Variants in GLCE observed in about 807,000 individuals in gnomAD.
GLCE encodes D-glucuronyl C5-epimerase.
Under a neutral mutation model 47.9 loss-of-function variants are expected in GLCE, and 19 were observed. The ratio of observed to expected loss-of-function variants is 0.40; its 90% CI spans 0.28 to 0.58. The LOEUF (loss-of-function observed/expected upper bound fraction) is 0.58. Ranked by LOEUF, GLCE falls within the 20% of genes least tolerant of loss-of-function variation. The pLI is 0.48. For synonymous variants in GLCE, 245 were observed against 263.4 expected (o/e 0.93, Z 0.68); for missense variants, 556 against 743.3 (o/e 0.75, Z 2.93).
chr15:69,177,518 G>A (rs755795264), intron 1 of GLCE, among the ~76,000 whole-genome samples: 1 of 152,168 alleles, frequency 6.6e-6, no homozygotes, highest in Non-Finnish European at 1.5e-5. Context: ...ACACAATTTA[G>A]TAAGTTTTGA....
intron 4 of GLCE, among the ~76,000 whole-genome samples, chr15:69,267,872 G>A (rs909185469): frequency 5.7e-5 from 8 of 141,452 alleles, no homozygotes; most frequent in African/African-American, 2.1e-4. Flanking sequence ...TTGCAGAATG[G>A]GTATAGTAGA....
At chr15:69,236,176 G>A (rs898177571) in intron 2 of GLCE, among the ~76,000 whole-genome samples, 11 of 147,306 alleles carry the variant, frequency 7.5e-5, no homozygotes, top group Non-Finnish European at 1.5e-4. Context: ...GTCACCATTT[G>A]GTGGACATTT....
chr15:69,238,982 T>C (rs1319875494), intron 2 of GLCE, among the ~76,000 whole-genome samples: 2 of 152,170 alleles, frequency 1.3e-5, no homozygotes. Context: ...AAGGGCGACA[T>C]GGGGAGAGAG....
intron 2 of GLCE, among the ~76,000 whole-genome samples, chr15:69,216,115 T>C (rs79780992): frequency 0.011 from 1,683 of 152,284 alleles, 14 homozygotes; most frequent in Non-Finnish European, 0.016. Context: ...TATTGTTGTC[T>C]AAAGCTAGAT....
At position 69,256,359 on chromosome 15, in the gene GLCE, C is replaced by T; in HGVS notation, c.553C>T (p.Arg185Ter). 1.2e-6 allele frequency: 2 copies of T among 1,612,936 alleles called. No homozygotes were observed. Among genetic ancestry groups the T allele is most frequent in the South Asian group, 1.1e-5 (1 of 91,042 alleles). ...MSFEGYNVEV[R>*]DRVKCISGVE... is the part of the protein sequence containing the mutation. Reference sequence around the variant, plus strand: ...TTTTGAAGGCTACAATGTGGAAGTCCGAGACAGAGTCAAGTGCATAAGTGG... The same window carrying T: ...TTTTGAAGGCTACAATGTGGAAGTCTGAGACAGAGTCAAGTGCATAAGTGG... Residue 185 changes from arginine (R) to a stop codon, truncating the protein, a stop_gained, in exon 3 of 5, where the codon CGA becomes TGA. Transcript: ENST00000261858. LOFTEE classifies it high-confidence loss of function.
At chr15:69,224,398 A>C (rs929576801) in intron 2 of GLCE, among the ~76,000 whole-genome samples, 1 of 152,136 alleles carries the variant, frequency 6.6e-6, no homozygotes, top group Non-Finnish European at 1.5e-5. Context: ...TTGTTTTTGA[A>C]TGTCCCAGTC....
In GLCE at chr15:69,269,296, G is replaced by A; in HGVS notation, c.*52G>A. 1 of 1,433,468 alleles carries A rather than the reference G, an allele frequency of 7.0e-7. No individual in the cohort carries two copies. Among genetic ancestry groups the A allele is most frequent in the Non-Finnish European group, 9.7e-7 (1 of 1,027,316 alleles). 88.8% of individuals were successfully genotyped at this position (1,433,468 alleles called of 1,614,324 possible). A position where few individuals can be genotyped will look rare whatever the true frequency, so the allele number is the denominator to read the frequency against. ...CCTCTGCTGTACACAGAAACTACAG[G>A]CTCTGTCTCAGGAGAGCATAGGCAC... On this transcript the variant is annotated 3_prime_UTR_variant, in exon 5 of 5. Coordinates refer to ENST00000261858, the MANE Select transcript of GLCE (RefSeq NM_015554.3).
chr15:69,228,901 T>C (rs578252348), intron 2 of GLCE, among the ~76,000 whole-genome samples: 1 of 152,312 alleles, frequency 6.6e-6, no homozygotes, highest in African/African-American at 2.4e-5. Flanking sequence ...TTGCCCAGGC[T>C]GGTCTCAAAC....
At chr15:69,188,718 C>T (rs1014072956) in intron 1 of GLCE, among the ~76,000 whole-genome samples, 5 of 152,012 alleles carry the variant, frequency 3.3e-5, no homozygotes, top group Non-Finnish European at 5.9e-5. Flanking sequence ...GTTCTCTTAC[C>T]CTTTTAATGT....
intron 1 of GLCE, among the ~76,000 whole-genome samples, chr15:69,199,685 C>G (rs2052048419): frequency 6.6e-6 from 1 of 152,180 alleles, no homozygotes; most frequent in African/African-American, 2.4e-5. Context: ...GTGCCAGATC[C>G]CAGGCCTCCT....
chr15:69,255,077 T>A (rs1445717347), intron 2 of GLCE, among the ~76,000 whole-genome samples: 1 of 152,202 alleles, frequency 6.6e-6, no homozygotes, highest in Non-Finnish European at 1.5e-5. Flanking sequence ...TTGACTATTT[T>A]ATGCTGTTAG....
chr15:69,178,832 T>C (rs1165882490), intron 1 of GLCE, among the ~76,000 whole-genome samples: 2 of 152,132 alleles, frequency 1.3e-5, no homozygotes, highest in African/African-American at 4.8e-5. Flanking sequence ...ATAGTATTAA[T>C]TATATTGTCA....
At chr15:69,211,779 G>T (rs1019869306) in intron 2 of GLCE, among the ~76,000 whole-genome samples, 1 of 151,850 alleles carries the variant, frequency 6.6e-6, no homozygotes, top group African/African-American at 2.4e-5. Flanking sequence ...AGAAAATAAA[G>T]TAAGCTTCTA....
At chr15:69,239,187 A>G (rs984957353) in intron 2 of GLCE, among the ~76,000 whole-genome samples, 1 of 75,228 alleles carries the variant, frequency 1.3e-5, no homozygotes, top group African/African-American at 3.3e-5. Context: ...TGACTAATGA[A>G]ATGTTGGAAA....
intron 1 of GLCE, among the ~76,000 whole-genome samples, chr15:69,163,523 C>T (rs1202639657): frequency 2.0e-5 from 3 of 152,068 alleles, no homozygotes; most frequent in Admixed American, 6.6e-5. Flanking sequence ...AGTTAACTGC[C>T]TTCTGAATTA....
chr15:69,228,115 A>G (rs1366131517), intron 2 of GLCE, among the ~76,000 whole-genome samples: 1 of 152,182 alleles, frequency 6.6e-6, no homozygotes, highest in Non-Finnish European at 1.5e-5. Flanking sequence ...CTGAAGTATT[A>G]TGCTTTTCCT....
At chr15:69,264,182 G>A (rs1335107915) in intron 4 of GLCE, among the ~76,000 whole-genome samples, 15 of 65,804 alleles carry the variant, frequency 2.3e-4, no homozygotes, top group African/African-American at 7.1e-4. Context: ...CCCCCAGCCC[G>A]ACAACCACCA....
At chr15:69,186,283 G>C (rs1240405446) in intron 1 of GLCE, among the ~76,000 whole-genome samples, 1 of 152,044 alleles carries the variant, frequency 6.6e-6, no homozygotes, top group African/African-American at 2.4e-5. Context: ...TCCTGCTATA[G>C]AGCCGATAAA....
intron 1 of GLCE, among the ~76,000 whole-genome samples, chr15:69,197,731 G>A (rs2052014989): frequency 6.6e-6 from 1 of 152,168 alleles, no homozygotes; most frequent in African/African-American, 2.4e-5. Context: ...ATGGATTCAG[G>A]AGAAAATGGG....
Sources: allele counts gnomAD v4.1 joint callset (sites outside exome capture counted in the v4.1 genomes callset), GRCh38; gene constraint gnomAD v4.1.1; transcripts MANE v1.5; gene names NCBI Gene and HGNC (gene_info 2026-07-23, HGNC 2026-07-21).